LOC128092253: variants seen among roughly 807,000 people sequenced by gnomAD.
chr6:133,953,799 C>T, the LOC128092253 span, among the ~76,000 whole-genome samples: 272 of 152,216 alleles, frequency 1.8e-3, 1 homozygote, highest in African/African-American at 5.9e-3. Flanking sequence ...TGTCTCGGAG[C>T]CATCACCCAG....
chr6:133,957,105 A>AG, the LOC128092253 span, among the ~76,000 whole-genome samples: 221 of 152,324 alleles, frequency 1.5e-3, no homozygotes, highest in South Asian at 2.3e-3. Context: ...GATAAAATAG[A>AG]GAATTTGGTT....
the LOC128092253 span, among the ~76,000 whole-genome samples, chr6:133,970,382 T>G: frequency 6.6e-6 from 1 of 152,190 alleles, no homozygotes; most frequent in Non-Finnish European, 1.5e-5. Context: ...TATTACTCTC[T>G]TTGGTCTGGA....
chr6:133,966,941 C>T, the LOC128092253 span, among the ~76,000 whole-genome samples: 32 of 152,316 alleles, frequency 2.1e-4, no homozygotes, highest in African/African-American at 6.7e-4. Context: ...AATGCAAATA[C>T]GTGATGTCAG....
At chr6:133,956,666 G>A in the LOC128092253 span, among the ~76,000 whole-genome samples, 1 of 152,206 alleles carries the variant, frequency 6.6e-6, no homozygotes, top group Non-Finnish European at 1.5e-5. Flanking sequence ...AGCTTAGCTA[G>A]TGGATGAAGG....
chr6:133,958,079 C>T, the LOC128092253 span, among the ~76,000 whole-genome samples: 14 of 152,210 alleles, frequency 9.2e-5, no homozygotes, highest in African/African-American at 3.4e-4. Flanking sequence ...CTGGTTATCA[C>T]TGATGGCAGA....
chr6:133,959,730 G>A, the LOC128092253 span, among the ~76,000 whole-genome samples: 1 of 152,132 alleles, frequency 6.6e-6, no homozygotes, highest in Non-Finnish European at 1.5e-5. Context: ...TGGTCCCTCT[G>A]CCTCAGCCTC....
At chr6:133,975,126 T>A in the LOC128092253 span, among the ~76,000 whole-genome samples, 3 of 152,094 alleles carry the variant, frequency 2.0e-5, no homozygotes. Context: ...CTAGAGAGGA[T>A]CAGCTACTGA....
At chr6:133,978,821 G>C in the LOC128092253 span, among the ~76,000 whole-genome samples, 1 of 152,098 alleles carries the variant, frequency 6.6e-6, no homozygotes, top group African/African-American at 2.4e-5. Flanking sequence ...CCCCTTCACT[G>C]TTTTAGTTAT....
the LOC128092253 span, chr6:133,968,716 G>C: frequency 6.6e-6 from 1 of 152,246 alleles, no homozygotes; most frequent in African/African-American, 2.4e-5. Context: ...TCTCGCCCAC[G>C]CTGGAGTGCA....
chr6:133,971,712 G>C, the LOC128092253 span, among the ~76,000 whole-genome samples: 1 of 152,050 alleles, frequency 6.6e-6, no homozygotes, highest in South Asian at 2.1e-4. Context: ...TCATATACCT[G>C]TTGGCCATTG....
the LOC128092253 span, among the ~76,000 whole-genome samples, chr6:133,964,642 G>T: frequency 1.3e-5 from 2 of 151,868 alleles, no homozygotes; most frequent in African/African-American, 4.8e-5. Context: ...TAGAGATGGG[G>T]TTTTACCGTG....
chr6:133,956,425 G>A, the LOC128092253 span, among the ~76,000 whole-genome samples: 13 of 152,148 alleles, frequency 8.5e-5, no homozygotes, highest in African/African-American at 2.9e-4. Context: ...AATGACATGT[G>A]TGTAATAAAA....
the LOC128092253 span, among the ~76,000 whole-genome samples, chr6:133,956,393 G>A: frequency 2.0e-5 from 3 of 152,314 alleles, no homozygotes; most frequent in South Asian, 2.1e-4. Flanking sequence ...GGTGCTTTTT[G>A]TGCACTTGTA....
At chr6:133,968,791 T>C in the LOC128092253 span, 1 of 152,212 alleles carries the variant, frequency 6.6e-6, no homozygotes, top group Admixed American at 6.5e-5. Flanking sequence ...TGCCTCAGCC[T>C]CCGCAGTAGC....
chr6:133,970,533 C>CT, the LOC128092253 span, among the ~76,000 whole-genome samples: 12 of 152,038 alleles, frequency 7.9e-5, no homozygotes, highest in African/African-American at 2.4e-4. Flanking sequence ...ATTATGGAAA[C>CT]TTTTAGGCAG....
the LOC128092253 span, among the ~76,000 whole-genome samples, chr6:133,974,009 A>AG: frequency 6.6e-6 from 1 of 151,178 alleles, no homozygotes. Context: ...TTTACCAAAA[A>AG]AAAAAAAAAA....
the LOC128092253 span, among the ~76,000 whole-genome samples, chr6:133,972,135 C>G: frequency 6.6e-6 from 1 of 152,096 alleles, no homozygotes; most frequent in East Asian, 1.9e-4. Flanking sequence ...TTACTGAGTT[C>G]AAACAGTGAA....
the LOC128092253 span, among the ~76,000 whole-genome samples, chr6:133,968,518 A>G: frequency 1.3e-5 from 2 of 152,212 alleles, no homozygotes; most frequent in South Asian, 2.1e-4. Context: ...AATAGAGCAT[A>G]TCAAAATTTG....
At chr6:133,954,690 A>C in the LOC128092253 span, among the ~76,000 whole-genome samples, 1 of 152,228 alleles carries the variant, frequency 6.6e-6, no homozygotes, top group Non-Finnish European at 1.5e-5. Flanking sequence ...GATAAATCAT[A>C]GGAGCAATTA....
Sources: gnomAD v4.1 joint callset for allele counts (sites outside exome capture counted in the v4.1 genomes callset) on GRCh38, gnomAD v4.1.1 for gene constraint, MANE v1.5 for transcripts.